OR6N1: variants seen among roughly 807,000 people sequenced by gnomAD.
The protein encoded by OR6N1 is olfactory receptor family 6 subfamily N member 1.
For missense variants in OR6N1, 394 were observed against 371.7 expected (o/e 1.06, Z -0.49); for synonymous variants, 170 against 150.7 (o/e 1.13, Z -0.94).
intron 1 of OR6N1, among the ~76,000 whole-genome samples, chr1:158,767,113 T>C (rs995398042): frequency 6.6e-6 from 1 of 152,192 alleles, no homozygotes; most frequent in African/African-American, 2.4e-5. Context: ...GGACCAAATA[T>C]ATATAATTTG....
Position 158,765,795 on chromosome 1 carries a change from C to G in OR6N1, c.888G>C (p.Glu296Asp), listed in dbSNP as rs373166057. ...GCTGCCTCCTCACAGCCTCCTTGAT[C>G]TCCTTGTTGCGCAAGCTGTAGATGA... ...NPFIYSLRNK[E>D]IKEAVRRQLK... Residue 296 changes from glutamate to aspartate, a missense_variant, in exon 2 of 2, where the codon GAG (glutamate) becomes GAC (aspartate). Coordinates refer to ENST00000641846, the MANE Select transcript of OR6N1 (RefSeq NM_001005185.2). 5.9e-5 allele frequency: 95 copies of G among 1,614,064 alleles called. 2 individuals are homozygous for G. Among genetic ancestry groups the G allele is most frequent in the Non-Finnish European group, 8.0e-5 (94 of 1,180,018 alleles).
chr1:158,800,360 T>G, the OR6N1 span, among the ~76,000 whole-genome samples: 2 of 152,222 alleles, frequency 1.3e-5, no homozygotes, highest in Non-Finnish European at 2.9e-5. Context: ...TGATTTCTAC[T>G]ATTTTGCTGT....
chr1:158,789,646 A>C, the OR6N1 span, among the ~76,000 whole-genome samples: 1 of 152,184 alleles, frequency 6.6e-6, no homozygotes, highest in Non-Finnish European at 1.5e-5. Flanking sequence ...TTTGAGAAAT[A>C]TCCATTCAGA....
At chr1:158,774,428 T>C (rs1409179247), upstream of OR6N1, 1 of 152,120 alleles carries the variant, frequency 6.6e-6, no homozygotes, top group Non-Finnish European at 1.5e-5. Flanking sequence ...AGCCTGGGGT[T>C]CATCACAAGC....
the OR6N1 span, among the ~76,000 whole-genome samples, chr1:158,789,623 T>C: frequency 6.6e-6 from 1 of 152,208 alleles, no homozygotes; most frequent in Non-Finnish European, 1.5e-5. Context: ...CTCCTAGCCA[T>C]TATATATATT....
the OR6N1 span, among the ~76,000 whole-genome samples, chr1:158,819,487 A>G: frequency 6.6e-6 from 1 of 152,178 alleles, no homozygotes; most frequent in Non-Finnish European, 1.5e-5. Flanking sequence ...TTGAACTATG[A>G]TAAATGATGT....
chr1:158,766,424 TG>T lies in OR6N1; in HGVS notation c.258del (p.Ser87ValfsTer29). The T allele has an allele frequency of 6.2e-7, 1 of 1,614,128 alleles. No homozygotes were observed. Among genetic ancestry groups the T allele is most frequent in the South Asian group, 1.1e-5 (1 of 91,082 alleles). On this transcript the variant is annotated frameshift_variant, in exon 2 of 2. Transcript: ENST00000641846. LOFTEE classifies it low-confidence loss of function (END_TRUNC). The stretch of plus-strand genomic sequence containing the variant: ...GAGAATGAAATGGTCTTTTTCTCAC[TG>T]AGCAAGTTTGCCAGCATCTTAGGGA... ...ATIPKMLANL[L>X]SEKKTISFSG...
At chr1:158,831,702 T>C in the OR6N1 span, 1 of 152,196 alleles carries the variant, frequency 6.6e-6, no homozygotes, top group African/African-American at 2.4e-5. Context: ...TTTAACTGTC[T>C]AGGTAGCAAA....
chr1:158,799,564 G>T, the OR6N1 span, among the ~76,000 whole-genome samples: 2 of 152,160 alleles, frequency 1.3e-5, no homozygotes, highest in African/African-American at 4.8e-5. Context: ...TTTGGATTAA[G>T]TTTAGAATCT....
Position 158,765,603 on chromosome 1 carries a change from T to G in OR6N1, c.*141A>C. On this transcript the variant is annotated 3_prime_UTR_variant, in exon 2 of 2. Coordinates refer to ENST00000641846, the MANE Select transcript of OR6N1 (RefSeq NM_001005185.2). ...GACAGTATGAAGGTCGCTATAACACTGGAAGTCAGTCAGCACTTGCTGCAG... is the reference window on the plus strand; with the variant it reads ...GACAGTATGAAGGTCGCTATAACACGGGAAGTCAGTCAGCACTTGCTGCAG... 1.4e-6 allele frequency: 1 copy of G among 709,190 alleles called. No homozygotes were observed. Among genetic ancestry groups the G allele is most frequent in the South Asian group, 1.8e-5 (1 of 55,480 alleles). 43.9% of individuals were successfully genotyped at this position (709,190 alleles called of 1,614,324 possible). A position where few individuals can be genotyped will look rare whatever the true frequency, so the allele number is the denominator to read the frequency against.
chr1:158,792,189 T>TTATACCTGATGTAAGAATAGCTACCTACC, the OR6N1 span, among the ~76,000 whole-genome samples: 1 of 152,226 alleles, frequency 6.6e-6, no homozygotes, highest in Non-Finnish European at 1.5e-5. Flanking sequence ...TTAAAGTCTG[T>TTATACCTGATGTAAGAATAGCTACCTACC]TATACCTGAT....
the OR6N1 span, among the ~76,000 whole-genome samples, chr1:158,801,183 G>A: frequency 1.3e-5 from 2 of 152,088 alleles, no homozygotes; most frequent in Admixed American, 1.3e-4. Flanking sequence ...GTGTGTGTGT[G>A]TGTGTGTGTG....
upstream of OR6N1, chr1:158,776,772 A>G (rs1346222165): frequency 6.2e-7 from 1 of 1,613,976 alleles, no homozygotes; most frequent in Non-Finnish European, 8.5e-7. Context: ...GACTGTAGAT[A>G]ATTGGATTGA....
At position 158,765,663 on chromosome 1, in the gene OR6N1, T is replaced by C. The variant is rs1657231344; in HGVS notation, c.*81A>G. On this transcript the variant is annotated 3_prime_UTR_variant, in exon 2 of 2. Coordinates refer to ENST00000641846, the MANE Select transcript of OR6N1 (RefSeq NM_001005185.2). ...CCCACATAGAAAAGCACTGAATTTT[T>C]AGTTTCTCGTCTCTGGCCACTGTTG... is the stretch of plus-strand genomic sequence containing the variant. 2.2e-5 allele frequency: 25 copies of C among 1,162,504 alleles called. No homozygotes were observed. The South Asian group carries it at 2.8e-4, about 13-fold the overall frequency. 72.0% of individuals were successfully genotyped at this position (1,162,504 alleles called of 1,614,324 possible).
At chr1:158,837,224 A>T in the OR6N1 span, among the ~76,000 whole-genome samples, 2 of 151,736 alleles carry the variant, frequency 1.3e-5, no homozygotes, top group African/African-American at 4.8e-5. Flanking sequence ...TTGGTCTATA[A>T]GTGGTCTATA....
At chr1:158,824,663 C>T in the OR6N1 span, among the ~76,000 whole-genome samples, 1 of 152,132 alleles carries the variant, frequency 6.6e-6, no homozygotes, top group Non-Finnish European at 1.5e-5. Context: ...AATAATCCCA[C>T]ATACCTACAA....
the OR6N1 span, among the ~76,000 whole-genome samples, chr1:158,803,337 C>A: frequency 9.6e-3 from 1,461 of 152,214 alleles, 27 homozygotes; most frequent in African/African-American, 0.033. Flanking sequence ...TAGCTTATGT[C>A]CCACTTACTC....
the OR6N1 span, among the ~76,000 whole-genome samples, chr1:158,815,304 C>T: frequency 0.41 from 62,282 of 151,606 alleles, 13,156 homozygotes; most frequent in Non-Finnish European, 0.47. Flanking sequence ...TAAGTCTCCA[C>T]GTATATTGTA....
chr1:158,796,861 G>A, the OR6N1 span, among the ~76,000 whole-genome samples: 9 of 147,150 alleles, frequency 6.1e-5, no homozygotes, highest in South Asian at 1.3e-3. Flanking sequence ...TTTGCTTAGC[G>A]TTTTCTTTAC....
Sources: allele counts gnomAD v4.1 joint callset (sites outside exome capture counted in the v4.1 genomes callset), GRCh38; gene constraint gnomAD v4.1.1; transcripts MANE v1.5; gene names NCBI Gene and HGNC (gene_info 2026-07-23, HGNC 2026-07-21).